RABGAP1L: variants seen among roughly 807,000 people sequenced by gnomAD.
RABGAP1L encodes the protein rab GTPase-activating protein 1-like.
RABGAP1L carries 63 observed loss-of-function variants against 137.7 expected under a neutral mutation model. That is an observed-to-expected ratio of 0.46 (90% CI 0.37 to 0.56). The LOEUF (loss-of-function observed/expected upper bound fraction) is 0.56, where lower values mean the gene tolerates loss of function less well. Ranked by LOEUF, RABGAP1L falls within the 20% of genes least tolerant of loss-of-function variation. The probability of loss-of-function intolerance (pLI) is 0.00; values close to 1 mark genes in which losing one functional copy is unlikely to be tolerated. For missense variants in RABGAP1L, 1,095 were observed against 1,244.0 expected, an observed-to-expected ratio of 0.88 and a Z score of 1.80; for synonymous variants, 431 against 433.7, an observed-to-expected ratio of 0.99 and a Z score of 0.08.
intron 11 of RABGAP1L, among the ~76,000 whole-genome samples, chr1:174,349,567 A>G (rs1358064200): frequency 5.2e-5 from 6 of 115,602 alleles, no homozygotes; most frequent in Middle Eastern, 7.6e-3. Flanking sequence ...GGACGGGGCC[A>G]CTGGCCGGGC....
chr1:174,527,225 A>G (rs1663964507), intron 13 of RABGAP1L, among the ~76,000 whole-genome samples: 1 of 127,678 alleles, frequency 7.8e-6, no homozygotes, highest in African/African-American at 2.9e-5. Flanking sequence ...TTTTTTTGAG[A>G]CAGAATCTCA....
intron 13 of RABGAP1L, among the ~76,000 whole-genome samples, chr1:174,498,343 A>C (rs948095467): frequency 1.4e-4 from 22 of 152,314 alleles, no homozygotes; most frequent in African/African-American, 4.8e-4. Context: ...TAATTAATTA[A>C]AAGGTCTTGT....
At chr1:174,345,612 T>G (rs1682361474) in intron 11 of RABGAP1L, among the ~76,000 whole-genome samples, 1 of 152,230 alleles carries the variant, frequency 6.6e-6, no homozygotes, top group Admixed American at 6.5e-5. Context: ...TTCTGCATTT[T>G]ACTGAATTTA....
chr1:174,846,317 T>A (rs1694044665), intron 19 of RABGAP1L, among the ~76,000 whole-genome samples: 1 of 150,326 alleles, frequency 6.7e-6, no homozygotes. Context: ...AATTGTGATG[T>A]TAGGGTGTCA....
intron 19 of RABGAP1L, among the ~76,000 whole-genome samples, chr1:174,832,575 GCATGT>G: frequency 6.8e-6 from 1 of 147,982 alleles, no homozygotes; most frequent in Non-Finnish European, 1.5e-5. Context: ...AGTGCTATGA[GCATGT>G]TGCAAAAGGA....
chr1:174,198,482 T>G (rs1571502749), intron 1 of RABGAP1L, among the ~76,000 whole-genome samples: 1 of 152,194 alleles, frequency 6.6e-6, no homozygotes, highest in African/African-American at 2.4e-5. Context: ...TTAATGAGAA[T>G]AGTTGAATTT....
At chr1:174,785,752 C>T (rs1687404631) in intron 18 of RABGAP1L, among the ~76,000 whole-genome samples, 1 of 152,188 alleles carries the variant, frequency 6.6e-6, no homozygotes, top group Non-Finnish European at 1.5e-5. Flanking sequence ...GCTTCTCCAC[C>T]GTTATGTGCA....
rs150163925 is a variant in RABGAP1L at position 174,623,257 on chromosome 1, C to T, written c.1711-14118C>T. Among the ~76,000 whole-genome samples, 13 of 152,176 alleles carry T rather than the reference C, an allele frequency of 8.5e-5. No homozygotes were observed. The East Asian group carries it at 2.1e-3, about 25-fold the overall frequency. On this transcript the variant is annotated intron_variant, in intron 13 of 25. Coordinates refer to ENST00000681986, the MANE Select transcript of RABGAP1L (RefSeq NM_001366446.1). ...TATATCTAAATAGAGAAAATTTACT[C>T]GTGAGAATACCACAGTGAGATCTTC...
At chr1:174,763,634 G>A (rs1352412021) in intron 18 of RABGAP1L, among the ~76,000 whole-genome samples, 1 of 118,354 alleles carries the variant, frequency 8.4e-6, no homozygotes, top group Non-Finnish European at 1.7e-5. Flanking sequence ...CTGGGCGACA[G>A]AGCGAGACTC....
chr1:174,783,713 T>C (rs1299864077), intron 18 of RABGAP1L, among the ~76,000 whole-genome samples: 1 of 141,244 alleles, frequency 7.1e-6, no homozygotes. Flanking sequence ...TCTTCTTTTT[T>C]TTTTTTTTTT....
intron 14 of RABGAP1L, among the ~76,000 whole-genome samples, chr1:174,652,170 C>G (rs1004464133): frequency 3.5e-4 from 53 of 152,360 alleles, no homozygotes; most frequent in African/African-American, 1.2e-3. Flanking sequence ...GGCCCCCACT[C>G]TCTTCTAGCT....
intron 17 of RABGAP1L, among the ~76,000 whole-genome samples, chr1:174,730,287 C>T (rs1682353024): frequency 6.6e-6 from 1 of 152,122 alleles, no homozygotes; most frequent in Non-Finnish European, 1.5e-5. Flanking sequence ...CAACAATAGA[C>T]ACTGGAACAA....
intron 13 of RABGAP1L, among the ~76,000 whole-genome samples, chr1:174,570,581 A>G (rs1167067178): frequency 6.6e-6 from 1 of 152,182 alleles, no homozygotes; most frequent in African/African-American, 2.4e-5. Flanking sequence ...CTTACTACCT[A>G]GAGGATGGGA....
intron 13 of RABGAP1L, among the ~76,000 whole-genome samples, chr1:174,500,379 C>T (rs920072074): frequency 8.5e-5 from 13 of 152,202 alleles, no homozygotes; most frequent in South Asian, 2.1e-4. Context: ...TGAGCTCAGC[C>T]GGTGGGTTTC....
At chr1:174,429,684 A>G (rs370635330) in intron 13 of RABGAP1L, among the ~76,000 whole-genome samples, 13 of 152,030 alleles carry the variant, frequency 8.6e-5, no homozygotes, top group African/African-American at 3.1e-4. Context: ...AGTTGCAGTG[A>G]GCCGAGATTG....
intron 13 of RABGAP1L, among the ~76,000 whole-genome samples, chr1:174,599,446 A>G (rs936805892): frequency 6.6e-6 from 1 of 152,194 alleles, no homozygotes; most frequent in East Asian, 1.9e-4. Flanking sequence ...TTGGACCTCC[A>G]GATGATTTCT....
chr1:174,621,884 A>G (rs1022822788), intron 13 of RABGAP1L, among the ~76,000 whole-genome samples: 3 of 152,232 alleles, frequency 2.0e-5, no homozygotes, highest in African/African-American at 7.2e-5. Context: ...GCTTCTGCAC[A>G]GCAAAAGAAA....
At chr1:174,405,991 A>G (rs1649222704) in intron 13 of RABGAP1L, among the ~76,000 whole-genome samples, 1 of 152,080 alleles carries the variant, frequency 6.6e-6, no homozygotes, top group African/African-American at 2.4e-5. Context: ...AAAATAAAAG[A>G]AAAAAAGAAA....
chr1:174,188,887 A>C (rs182695612), intron 1 of RABGAP1L, among the ~76,000 whole-genome samples: 1 of 152,340 alleles, frequency 6.6e-6, no homozygotes, highest in Non-Finnish European at 1.5e-5. Flanking sequence ...TGGGATATGA[A>C]CATTGGCTAC....
Sources: allele counts gnomAD v4.1 joint callset (sites outside exome capture counted in the v4.1 genomes callset), GRCh38; gene constraint gnomAD v4.1.1; transcripts MANE v1.5; gene names NCBI Gene and HGNC (gene_info 2026-07-23, HGNC 2026-07-21).